Variants in KDM2A observed in about 807,000 individuals in gnomAD.
KDM2A encodes lysine-specific demethylase 2A.
A neutral mutation model predicts 137.3 loss-of-function variants in KDM2A; 3 were observed. The ratio of observed to expected loss-of-function variants is 0.02; its 90% CI spans 0.01 to 0.06. The LOEUF (loss-of-function observed/expected upper bound fraction) is 0.06. Among genes scored for constraint, KDM2A ranks in the 10% least tolerant of loss-of-function variants. KDM2A has a pLI of 1.00. For missense variants in KDM2A, 738 were observed against 1,510.6 expected, an observed-to-expected ratio of 0.49 and a Z score of 8.48; for synonymous variants, 512 against 541.5, an observed-to-expected ratio of 0.95 and a Z score of 0.76.
chr11:67,129,969 T>C (rs1336931915), intron 2 of KDM2A, among the ~76,000 whole-genome samples: 2 of 151,486 alleles, frequency 1.3e-5, no homozygotes, highest in Non-Finnish European at 2.9e-5. Context: ...TTCTTTTTTT[T>C]TTTTTCTTTT....
At chr11:67,164,720 A>G (rs1856703266) in intron 2 of KDM2A, among the ~76,000 whole-genome samples, 1 of 151,848 alleles carries the variant, frequency 6.6e-6, no homozygotes, top group African/African-American at 2.4e-5. Flanking sequence ...TCCCAGGGTC[A>G]AGCGATTCTT....
At chr11:67,167,369 G>A (rs764949289) in intron 2 of KDM2A, among the ~76,000 whole-genome samples, 16 of 152,044 alleles carry the variant, frequency 1.1e-4, no homozygotes, top group Non-Finnish European at 1.8e-4. Context: ...AGGAAGGCAG[G>A]CAACAGTGAT....
At chr11:67,151,058 A>C (rs1489023157) in intron 2 of KDM2A, among the ~76,000 whole-genome samples, 2 of 152,192 alleles carry the variant, frequency 1.3e-5, no homozygotes, top group African/African-American at 4.8e-5. Context: ...GGATAGTAGA[A>C]GCAGGGGTTC....
chr11:67,170,178 G>A (rs1444454056), intron 2 of KDM2A, among the ~76,000 whole-genome samples: 1 of 152,214 alleles, frequency 6.6e-6, no homozygotes, highest in East Asian at 1.9e-4. Flanking sequence ...GATAGAAAAT[G>A]CTGATTAGAA....
At chr11:67,169,731 CCT>C (rs1346116692) in intron 2 of KDM2A, among the ~76,000 whole-genome samples, 28 of 85,824 alleles carry the variant, frequency 3.3e-4, no homozygotes, top group African/African-American at 4.0e-4. Context: ...CTCTCTCTCT[CCT>C]TCTCTCTCTC....
intron 15 of KDM2A, 112 bp downstream of exon 15, chr11:67,246,228 C>G (rs961003638): frequency 7.7e-6 from 9 of 1,169,508 alleles, no homozygotes; most frequent in Non-Finnish European, 1.1e-5. Context: ...GCCATCAGCT[C>G]TGTGGTCACA....
intron 2 of KDM2A, among the ~76,000 whole-genome samples, chr11:67,124,701 AT>A (rs994978167): frequency 5.2e-4 from 60 of 116,266 alleles, no homozygotes; most frequent in Non-Finnish European, 4.5e-4. Context: ...TCTTGGCAAG[AT>A]TTTTTTTTTT....
At chr11:67,149,076 G>C (rs899906991) in intron 2 of KDM2A, 5 of 152,118 alleles carry the variant, frequency 3.3e-5, no homozygotes, top group African/African-American at 1.2e-4. Context: ...TGAAAAAGCA[G>C]ATTTTTTTCC....
chr11:67,132,523 A>G (rs1346781445), intron 2 of KDM2A, among the ~76,000 whole-genome samples: 2 of 152,012 alleles, frequency 1.3e-5, no homozygotes, highest in Non-Finnish European at 2.9e-5. Context: ...CTGACCTCAA[A>G]TGATCCGCCT....
chr11:67,235,334 C>T (rs1353624978), intron 12 of KDM2A, among the ~76,000 whole-genome samples: 1 of 132,740 alleles, frequency 7.5e-6, no homozygotes. Flanking sequence ...GACTGAGTTT[C>T]ACTGTTTTTG....
In KDM2A at chr11:67,119,534, G is replaced by T. The variant is rs1855548201; in HGVS notation, c.-599G>T. 1 of 151,806 alleles carries T rather than the reference G, an allele frequency of 6.6e-6. No individual in the cohort carries two copies. Among genetic ancestry groups the T allele is most frequent in the South Asian group, 2.0e-4 (1 of 4,980 alleles). The allele number at this position is 151,806 out of a possible 1,614,324, so 9.4% of individuals were successfully genotyped here. ...CCCGCAGCGCGGAGCCAGACCTGAG[G>T]GGGAGACGCGAGGGGAGCCAGGGCC... On this transcript the variant is annotated 5_prime_UTR_variant, in exon 1 of 21. Coordinates refer to ENST00000529006, the MANE Select transcript of KDM2A (RefSeq NM_012308.3).
At chr11:67,184,321 C>T (rs367777129) in intron 5 of KDM2A, among the ~76,000 whole-genome samples, 3 of 151,580 alleles carry the variant, frequency 2.0e-5, no homozygotes, top group Admixed American at 6.6e-5. Context: ...TGGGGAAACT[C>T]CATCTCTACT....
chr11:67,138,645 G>A (rs560753920), intron 2 of KDM2A, among the ~76,000 whole-genome samples: 125 of 152,278 alleles, frequency 8.2e-4, no homozygotes, highest in African/African-American at 2.5e-3. Flanking sequence ...ACCAGGTGTG[G>A]TGGTGTGCAC....
intron 12 of KDM2A, among the ~76,000 whole-genome samples, chr11:67,234,638 G>A (rs550375193): frequency 6.6e-6 from 1 of 152,164 alleles, no homozygotes; most frequent in African/African-American, 2.4e-5. Context: ...GGCGGCAGAC[G>A]CAGGCAGATC....
chr11:67,252,980 A>G lies in KDM2A; in HGVS notation c.2932+123A>G, dbSNP rs1269509040. 8 of 1,083,772 alleles carry G rather than the reference A, an allele frequency of 7.4e-6. No individual in the cohort carries two copies. The African/African-American group carries it at 1.1e-4, about 15-fold the overall frequency. 67.1% of individuals were successfully genotyped at this position (1,083,772 alleles called of 1,614,324 possible). A position where few individuals can be genotyped will look rare whatever the true frequency, so the allele number is the denominator to read the frequency against. On this transcript the variant is annotated intron_variant, in intron 18 of 20. Coordinates refer to ENST00000529006, the MANE Select transcript of KDM2A (RefSeq NM_012308.3). ...CAGTGTAGGGCAGCAGTCCCATGCC[A>G]TTGTTGCTTAGCAAGAGGTTTACCC...
chr11:67,254,929 C>T lies in KDM2A; in HGVS notation c.3363C>T (p.Val1121=). The T allele has an allele frequency of 6.2e-7, 1 of 1,613,984 alleles. No homozygotes were observed. Among genetic ancestry groups the T allele is most frequent in the Non-Finnish European group, 8.5e-7 (1 of 1,179,884 alleles). ...TLIYLRRIAN[V]TLIDLRGCKQ... is the part of the protein sequence containing the mutation. ...TCTACCTACGGCGCATTGCCAACGTCACCTTGATCGACCTTCGAGGATGCA... is the reference window on the plus strand; with the variant it reads ...TCTACCTACGGCGCATTGCCAACGTTACCTTGATCGACCTTCGAGGATGCA... The change falls in exon 21 of 21, where the codon GTC becomes GTT. Residue 1121 remains valine (V), a synonymous_variant. Coordinates refer to ENST00000529006, the MANE Select transcript of KDM2A (RefSeq NM_012308.3). This position sits in a 1 kb window ranked among gnomAD's most constrained non-coding sequence, Gnocchi z 4.7.
intron 17 of KDM2A, chr11:67,252,467 G>GTTATATACTA: frequency 1.8e-6 from 1 of 554,486 alleles, no homozygotes; most frequent in Non-Finnish European, 3.3e-6. Context: ...AAGTGGTCAA[G>GTTATATACTA]TTATATACTA....
chr11:67,123,602 GTTGT>G (rs1855648914), intron 2 of KDM2A, among the ~76,000 whole-genome samples: 1 of 151,890 alleles, frequency 6.6e-6, no homozygotes, highest in Non-Finnish European at 1.5e-5. Context: ...ATCATGTCAA[GTTGT>G]TAGTTAGGTA....
chr11:67,130,108 G>A (rs571164350), intron 2 of KDM2A, among the ~76,000 whole-genome samples: 10 of 148,310 alleles, frequency 6.7e-5, no homozygotes, highest in Admixed American at 6.0e-4. Flanking sequence ...GATTACAGGC[G>A]TCCGCCACCC....
Sources: allele counts gnomAD v4.1 joint callset (sites outside exome capture counted in the v4.1 genomes callset), GRCh38; gene constraint gnomAD v4.1.1; non-coding constraint Gnocchi (gnomAD v3.1); transcripts MANE v1.5; gene names NCBI Gene and HGNC (gene_info 2026-07-23, HGNC 2026-07-21).